MKX: variants seen among roughly 807,000 people sequenced by gnomAD.
MKX encodes mohawk homeobox.
MKX carries 13 observed loss-of-function variants against 36.0 expected under a neutral mutation model. The observed-to-expected ratio is 0.36, with a 90% confidence interval of 0.24 to 0.57. The LOEUF (loss-of-function observed/expected upper bound fraction) is 0.57. Among genes scored for constraint, MKX ranks in the 20% least tolerant of loss-of-function variants. The probability of loss-of-function intolerance (pLI) is 0.79; values close to 1 mark genes in which losing one functional copy is unlikely to be tolerated. For missense variants in MKX, 458 were observed against 456.4 expected (o/e 1.00, Z -0.03); for synonymous variants, 176 against 178.3 (o/e 0.99, Z 0.10).
intron 5 of MKX, among the ~76,000 whole-genome samples, chr10:27,676,790 TAGA>T (rs543781329): frequency 6.6e-6 from 1 of 152,320 alleles, no homozygotes; most frequent in South Asian, 2.1e-4. Flanking sequence ...GCATATTTAT[TAGA>T]AGAAGCAGGC....
intron 5 of MKX, among the ~76,000 whole-genome samples, chr10:27,721,237 A>G (rs1834369828): frequency 7.3e-6 from 1 of 136,230 alleles, no homozygotes; most frequent in South Asian, 2.6e-4. Flanking sequence ...CAATAAATTC[A>G]AGGACCTAGA....
chr10:27,697,758 A>G (rs1836581521), intron 5 of MKX, among the ~76,000 whole-genome samples: 2 of 152,366 alleles, frequency 1.3e-5, no homozygotes, highest in South Asian at 4.1e-4. Flanking sequence ...TCTCATTACA[A>G]AGAAGCTCAC....
chr10:27,716,430 A>G (rs1469548397), intron 5 of MKX, among the ~76,000 whole-genome samples: 1 of 75,484 alleles, frequency 1.3e-5, no homozygotes, highest in East Asian at 2.4e-4. Flanking sequence ...CTCAAAAAAA[A>G]AAAAGCAAAA....
intron 5 of MKX, among the ~76,000 whole-genome samples, chr10:27,708,654 G>T (rs11015958): frequency 3.3e-5 from 5 of 151,542 alleles, no homozygotes; most frequent in African/African-American, 9.7e-5. Flanking sequence ...ACTTGAACCG[G>T]GAGGCAGAGG....
intron 5 of MKX, among the ~76,000 whole-genome samples, chr10:27,690,397 A>AAAAC (rs757115481): frequency 6.6e-6 from 1 of 152,024 alleles, no homozygotes; most frequent in African/African-American, 2.4e-5. Flanking sequence ...AAAACAAAAC[A>AAAAC]AAAACCTAAC....
chr10:27,736,014 C>A (rs922520909), intron 3 of MKX, among the ~76,000 whole-genome samples: 1 of 152,084 alleles, frequency 6.6e-6, no homozygotes, highest in African/African-American at 2.4e-5. Context: ...TTGGCTTGGG[C>A]AATGTCTAGT....
chr10:27,734,503 A>G lies in MKX; in HGVS notation c.791T>C (p.Val264Ala). 2 of 1,614,238 alleles carry G rather than the reference A, an allele frequency of 1.2e-6. No individual in the cohort carries two copies. The highest frequency in any genetic ancestry group is 1.7e-6 in the Non-Finnish European group (2 of 1,180,036). The change falls in exon 5 of 7, where the codon GTG becomes GCG. Residue 264 changes from valine (V) to alanine (A), a missense_variant. Around this residue, in one of 3 missense-constraint regions of MKX, gnomAD observed 297 missense variants for 304.4 expected, o/e 0.98. Coordinates refer to ENST00000419761, the MANE Select transcript of MKX (RefSeq NM_173576.3). The part of the protein sequence containing the change: ...FSSNEFEEEL[V>A]SPSSSETEGN... ...TTCAGTTTCTGATGACGATGGAGAC[A>G]CTAATTCTTCCTCAAATTCATTGGA...
intron 5 of MKX, among the ~76,000 whole-genome samples, chr10:27,694,166 T>G (rs1026106064): frequency 6.6e-6 from 1 of 151,950 alleles, no homozygotes; most frequent in African/African-American, 2.4e-5. Flanking sequence ...AGCATGAAAA[T>G]GGACTAATAC....
At chr10:27,677,377 G>A (rs1196008679) in intron 5 of MKX, among the ~76,000 whole-genome samples, 4 of 152,130 alleles carry the variant, frequency 2.6e-5, no homozygotes, top group Admixed American at 6.5e-5. Flanking sequence ...GTTAGGAAAT[G>A]CAACCTAATT....
chr10:27,720,008 G>C (rs1480011466), intron 5 of MKX, among the ~76,000 whole-genome samples: 8 of 150,252 alleles, frequency 5.3e-5, no homozygotes, highest in Non-Finnish European at 1.0e-4. Context: ...GAGAGAGAGA[G>C]AAAAAGTTGA....
chr10:27,712,529 G>A (rs1168831842), intron 5 of MKX, among the ~76,000 whole-genome samples: 1 of 152,168 alleles, frequency 6.6e-6, no homozygotes, highest in African/African-American at 2.4e-5. Context: ...AGGGGGAAGA[G>A]TAGAACCAGT....
At chr10:27,701,095 GGTT>G (rs543474720) in intron 5 of MKX, among the ~76,000 whole-genome samples, 11 of 152,106 alleles carry the variant, frequency 7.2e-5, no homozygotes, top group African/African-American at 2.7e-4. Context: ...TCTACAAAGG[GGTT>G]AAGTTTTTAA....
At position 27,675,293 on chromosome 10, in the gene MKX, A is replaced by T. The variant is rs749201539; in HGVS notation, c.995T>A (p.Ile332Asn). 1.2e-6 allele frequency: 2 copies of T among 1,614,070 alleles called. No individual in the cohort carries two copies. Among genetic ancestry groups the T allele is most frequent in the East Asian group, 4.5e-5 (2 of 44,902 alleles). ...DKLQGTTSCIIQKSSHIAEVK... is the reference protein window; with the variant it reads ...DKLQGTTSCINQKSSHIAEVK... Reference sequence around the variant, plus strand: ...TTCTGCTATATGGGACGACTTCTGGATGATGCAGCTGGTAGTTCCCTGCAG... The same window carrying T: ...TTCTGCTATATGGGACGACTTCTGGTTGATGCAGCTGGTAGTTCCCTGCAG... The change falls in exon 7 of 7, where the codon ATC becomes AAC. Residue 332 changes from isoleucine (I) to asparagine (N), a missense_variant. Transcript: ENST00000419761.
intron 5 of MKX, among the ~76,000 whole-genome samples, chr10:27,709,002 G>A (rs891555559): frequency 5.9e-5 from 9 of 151,498 alleles, no homozygotes; most frequent in Admixed American, 3.3e-4. Flanking sequence ...AACCCCGTCT[G>A]TACTAAAGAT....
rs1056991005 is a variant in MKX at position 27,673,010 on chromosome 10, G to A, written c.*2219C>T. ...TCTCTACAACATAAATTATGAGTTAGATTTTCAGCTGCCGGCTCAGCATTG... is the reference window on the plus strand; with the variant it reads ...TCTCTACAACATAAATTATGAGTTAAATTTTCAGCTGCCGGCTCAGCATTG... On this transcript the variant is annotated 3_prime_UTR_variant, in exon 7 of 7. Coordinates refer to ENST00000419761, the MANE Select transcript of MKX (RefSeq NM_173576.3). 1 of 152,218 alleles carries A rather than the reference G, an allele frequency of 6.6e-6. No individual in the cohort carries two copies. Among genetic ancestry groups the A allele is most frequent in the Non-Finnish European group, 1.5e-5 (1 of 68,038 alleles). 9.4% of individuals were successfully genotyped at this position (152,218 alleles called of 1,614,324 possible).
chr10:27,684,956 G>A (rs1013686418), intron 5 of MKX, among the ~76,000 whole-genome samples: 1 of 152,192 alleles, frequency 6.6e-6, no homozygotes, highest in South Asian at 2.1e-4. Flanking sequence ...TTTATTGAAT[G>A]CTTATTCTAT....
intron 5 of MKX, among the ~76,000 whole-genome samples, chr10:27,723,770 C>T (rs1834429146): frequency 6.6e-6 from 1 of 152,166 alleles, no homozygotes; most frequent in South Asian, 2.1e-4. Context: ...AGGAGAGACT[C>T]TGAATTTTGG....
At chr10:27,727,410 C>T (rs980870198) in intron 5 of MKX, among the ~76,000 whole-genome samples, 2 of 152,208 alleles carry the variant, frequency 1.3e-5, no homozygotes, top group African/African-American at 4.8e-5. Flanking sequence ...TCTCTCAGTT[C>T]TTCACAATGG....
chr10:27,735,278 A>G lies in MKX; in HGVS notation c.445T>C (p.Tyr149His). ...WALRIKLYNK[Y>H]VQGNAERLSV... ...AGCCGTTCAGCATTGCCTTGAACAT[A>G]CTTGTTGTATAACTTTATTCTCAAA... The change falls in exon 4 of 7, where the codon TAT becomes CAT. Residue 149 changes from tyrosine (Y) to histidine (H), a missense_variant. Coordinates refer to ENST00000419761, the MANE Select transcript of MKX (RefSeq NM_173576.3). The G allele has an allele frequency of 6.2e-7, 1 of 1,613,800 alleles. No individual in the cohort carries two copies. Among genetic ancestry groups the G allele is most frequent in the Non-Finnish European group, 8.5e-7 (1 of 1,179,872 alleles).
Sources: allele counts gnomAD v4.1 joint callset (sites outside exome capture counted in the v4.1 genomes callset), GRCh38; gene constraint gnomAD v4.1.1; regional missense constraint gnomAD v4.1.1; transcripts MANE v1.5; gene names NCBI Gene and HGNC (gene_info 2026-07-23, HGNC 2026-07-21).